ARPP21: variants seen among roughly 807,000 people sequenced by gnomAD.
ARPP21 encodes cAMP regulated phosphoprotein 21, also known as cAMP-regulated phosphoprotein 21.
ARPP21 carries 69 observed loss-of-function variants against 113.2 expected under a neutral mutation model. The observed-to-expected ratio is 0.61, with a 90% CI of 0.50 to 0.74. The LOEUF is 0.74. Among genes scored for constraint, ARPP21 ranks in the 30% least tolerant of loss-of-function variants. The probability of loss-of-function intolerance (pLI) is 0.00; values close to 1 mark genes in which losing one functional copy is unlikely to be tolerated. For missense variants in ARPP21, 1,070 were observed against 1,037.4 expected (o/e 1.03, Z -0.43); for synonymous variants, 368 against 375.5 (o/e 0.98, Z 0.23).
chr3:35,745,899 A>G (rs2095013621), intron 19 of ARPP21, among the ~76,000 whole-genome samples: 1 of 152,180 alleles, frequency 6.6e-6, no homozygotes, highest in Admixed American at 6.5e-5. Flanking sequence ...CATCACCGCA[A>G]AAATGACCCT....
Position 35,715,406 on chromosome 3 carries a change from C to A in ARPP21, c.898-33C>A, listed in dbSNP as rs201155260. 3.1e-6 allele frequency: 5 copies of A among 1,605,288 alleles called. No individual in the cohort carries two copies. The East Asian group carries it at 1.1e-4, about 36-fold the overall frequency. Reference sequence around the variant, plus strand: ...TTGGGATCCCTCAGCATATCCAGAACTTCTGATCCAATGCCTTTTTTTTAT... The same window carrying A: ...TTGGGATCCCTCAGCATATCCAGAAATTCTGATCCAATGCCTTTTTTTTAT... On this transcript the variant is annotated intron_variant, in intron 11 of 20. Coordinates refer to ENST00000684406, the MANE Select transcript of ARPP21 (RefSeq NM_001385562.1).
At chr3:35,732,170 C>CA (rs1193499105) in intron 15 of ARPP21, among the ~76,000 whole-genome samples, 1 of 151,918 alleles carries the variant, frequency 6.6e-6, no homozygotes, top group African/African-American at 2.4e-5. Flanking sequence ...AAGAATAAGA[C>CA]AAGTAATGAT....
chr3:35,687,506 T>A (rs985767750), intron 5 of ARPP21, among the ~76,000 whole-genome samples: 2 of 151,472 alleles, frequency 1.3e-5, no homozygotes, highest in African/African-American at 4.8e-5. Context: ...AGGTTAATAT[T>A]CATAAGGCAA....
At chr3:35,792,338 G>T in intron 19 of ARPP21, 44 bp from the exon 20 acceptor site, 1 of 1,600,312 alleles carries the variant, frequency 6.2e-7, no homozygotes, top group Non-Finnish European at 8.6e-7. Context: ...ACATCACTGT[G>T]TTCTTTCTGC....
At chr3:35,736,860 C>A (rs981040984) in intron 15 of ARPP21, among the ~76,000 whole-genome samples, 4 of 152,198 alleles carry the variant, frequency 2.6e-5, no homozygotes, top group African/African-American at 9.7e-5. Flanking sequence ...AAACATCTAG[C>A]TTTGTGAAGA....
In ARPP21 at chr3:35,793,934, T is replaced by TG. The variant is rs1371157318; in HGVS notation, c.2521dup (p.Ala841GlyfsTer35). The TG allele has an allele frequency of 6.2e-7, 1 of 1,613,944 alleles. No homozygotes were observed. The highest frequency in any genetic ancestry group is 1.3e-5 in the African/African-American group (1 of 74,932). On this transcript the variant is annotated frameshift_variant, in exon 21 of 21. Coordinates refer to ENST00000684406, the MANE Select transcript of ARPP21 (RefSeq NM_001385562.1). LOFTEE classifies it high-confidence loss of function. Reference sequence around the variant, plus strand: ...GAACAAACTGTGCAAGTATGAGCAATGCTGGTTGGCAGGTCAAATTCTGAG... The same window carrying TG: ...GAACAAACTGTGCAAGTATGAGCAATGGCTGGTTGGCAGGTCAAATTCTGAG...
chr3:35,667,914 G>GAGGA (rs1559548392), intron 1 of ARPP21, among the ~76,000 whole-genome samples: 11 of 42,586 alleles, frequency 2.6e-4, no homozygotes, highest in Non-Finnish European at 3.6e-4. Flanking sequence ...GAAGAGGAAG[G>GAGGA]AGGAGGAGGA....
At chr3:35,689,271 T>C in intron 6 of ARPP21, 36 bp from the exon 7 acceptor site, 1 of 966,782 alleles carries the variant, frequency 1.0e-6, no homozygotes, top group Non-Finnish European at 1.7e-6. Context: ...CTTTCCACCA[T>C]CATTCCTGAC....
chr3:35,744,108 G>T, intron 19 of ARPP21, 143 bp downstream of exon 19: 1 of 849,872 alleles, frequency 1.2e-6, no homozygotes, highest in Non-Finnish European at 1.9e-6. Flanking sequence ...GCATTTGATT[G>T]ACTCTGTGTG....
At chr3:35,788,573 A>T (rs1298905417) in intron 19 of ARPP21, among the ~76,000 whole-genome samples, 3 of 152,124 alleles carry the variant, frequency 2.0e-5, no homozygotes, top group Non-Finnish European at 4.4e-5. Context: ...CAACCTCCAT[A>T]ATTAACAGCA....
intron 1 of ARPP21, among the ~76,000 whole-genome samples, chr3:35,658,178 A>G (rs749729870): frequency 1.3e-5 from 2 of 152,014 alleles, no homozygotes; most frequent in Non-Finnish European, 2.9e-5. Context: ...AGACTCATAG[A>G]TTGGGCATGG....
intron 19 of ARPP21, among the ~76,000 whole-genome samples, chr3:35,791,426 CTTA>C (rs2096745457): frequency 6.6e-6 from 1 of 152,224 alleles, no homozygotes; most frequent in East Asian, 1.9e-4. Context: ...CTGGAAGGAG[CTTA>C]TTATACAGCA....
chr3:35,668,989 A>G (rs1296243580), intron 1 of ARPP21, among the ~76,000 whole-genome samples: 1 of 152,176 alleles, frequency 6.6e-6, no homozygotes, highest in Non-Finnish European at 1.5e-5. Context: ...CTAGCAATAA[A>G]GAATAAATGA....
intron 1 of ARPP21, among the ~76,000 whole-genome samples, chr3:35,650,765 C>T (rs962711692): frequency 2.0e-5 from 3 of 151,964 alleles, no homozygotes; most frequent in African/African-American, 4.8e-5. Flanking sequence ...TAGTATGAGC[C>T]AGTCATATTC....
chr3:35,755,716 C>T (rs899309241), intron 19 of ARPP21, among the ~76,000 whole-genome samples: 2 of 152,070 alleles, frequency 1.3e-5, no homozygotes, highest in Admixed American at 6.6e-5. Context: ...TGTGACTTCA[C>T]GTAGCAATTA....
intron 18 of ARPP21, among the ~76,000 whole-genome samples, chr3:35,743,331 T>C (rs778678898): frequency 1.4e-4 from 22 of 152,210 alleles, no homozygotes; most frequent in Middle Eastern, 3.2e-3. Flanking sequence ...AAACAACCAT[T>C]GTATGATCAC....
chr3:35,785,746 C>G (rs921735027), intron 19 of ARPP21, among the ~76,000 whole-genome samples: 1 of 152,044 alleles, frequency 6.6e-6, no homozygotes, highest in African/African-American at 2.4e-5. Context: ...AGAGGAAGTA[C>G]GAAGAAAAAC....
intron 19 of ARPP21, among the ~76,000 whole-genome samples, chr3:35,768,840 C>T (rs1172581088): frequency 6.6e-6 from 1 of 152,144 alleles, no homozygotes; most frequent in Non-Finnish European, 1.5e-5. Context: ...ATCCTTTAAA[C>T]ACTAGAATAA....
At chr3:35,644,545 A>G (rs962634420) in intron 1 of ARPP21, among the ~76,000 whole-genome samples, 1 of 151,982 alleles carries the variant, frequency 6.6e-6, no homozygotes, top group Non-Finnish European at 1.5e-5. Flanking sequence ...TTTAGGCATG[A>G]CATGCTCATA....
Sources: allele counts gnomAD v4.1 joint callset (sites outside exome capture counted in the v4.1 genomes callset), GRCh38; gene constraint gnomAD v4.1.1; transcripts MANE v1.5; gene names NCBI Gene and HGNC (gene_info 2026-07-23, HGNC 2026-07-21).